RASAL2: variants seen among roughly 807,000 people sequenced by gnomAD.
RASAL2 encodes the protein ras GTPase-activating protein nGAP.
RASAL2 carries 58 observed loss-of-function variants against 128.9 expected under a neutral mutation model. That is an observed-to-expected ratio of 0.45 (90% CI 0.36 to 0.56). The LOEUF (loss-of-function observed/expected upper bound fraction) is 0.56. RASAL2 is among the 20% of genes least tolerant of loss of function. The pLI is 0.00. For missense variants in RASAL2, 1,360 were observed against 1,601.6 expected (o/e 0.85, Z 2.57); for synonymous variants, 561 against 580.8 (o/e 0.97, Z 0.49).
intron 1 of RASAL2, among the ~76,000 whole-genome samples, chr1:178,213,864 T>C (rs1009087225): frequency 6.6e-6 from 1 of 151,586 alleles, no homozygotes; most frequent in Non-Finnish European, 1.5e-5. Flanking sequence ...CACTGAACTT[T>C]TTACTATAGA....
chr1:178,437,407 A>G (rs1206278296), intron 5 of RASAL2, among the ~76,000 whole-genome samples: 2 of 152,094 alleles, frequency 1.3e-5, no homozygotes, highest in African/African-American at 4.8e-5. Context: ...CTATACCGGG[A>G]CATGTGGCAC....
chr1:178,339,429 A>G (rs1353218383), intron 3 of RASAL2, among the ~76,000 whole-genome samples: 2 of 152,224 alleles, frequency 1.3e-5, no homozygotes, highest in African/African-American at 4.8e-5. Flanking sequence ...CTGCAGCATG[A>G]GTGAGTTCTC....
intron 4 of RASAL2, among the ~76,000 whole-genome samples, chr1:178,419,850 C>T (rs987118758): frequency 1.3e-5 from 2 of 152,026 alleles, no homozygotes; most frequent in Non-Finnish European, 2.9e-5. Flanking sequence ...TTAATGATTT[C>T]ATAAATGATC....
chr1:178,440,673 A>G (rs565274575), intron 6 of RASAL2, among the ~76,000 whole-genome samples: 6 of 152,272 alleles, frequency 3.9e-5, no homozygotes, highest in East Asian at 3.9e-4. Flanking sequence ...TGCGGAACTC[A>G]GTTCATTAGG....
intron 1 of RASAL2, among the ~76,000 whole-genome samples, chr1:178,247,995 G>C (rs1459143558): frequency 6.6e-6 from 1 of 152,100 alleles, no homozygotes; most frequent in Admixed American, 6.6e-5. Flanking sequence ...CCAATTATGT[G>C]GTCAATTTTA....
chr1:178,395,800 T>TATATATATATATATATATATATATATA (rs1673186760), intron 4 of RASAL2, among the ~76,000 whole-genome samples: 1 of 148,082 alleles, frequency 6.8e-6, no homozygotes, highest in African/African-American at 2.5e-5. Context: ...TATTTATTTA[T>TATATATATATATATATATATATATATA]TCATATGTGT....
Position 178,467,380 on chromosome 1 carries a change from C to G in RASAL2, c.3637C>G (p.Gln1213Glu). The G allele has an allele frequency of 6.2e-7, 1 of 1,614,098 alleles. No individual in the cohort carries two copies. The highest frequency in any genetic ancestry group is 8.5e-7 in the Non-Finnish European group (1 of 1,179,988). ...ACTGAAGAAGGATCATGCTGAGATG[C>G]AAGCAGTTATTGATGCAAAGCAGAA... Reference protein sequence around the residue: ...EELKKDHAEMQAVIDAKQKII... With the variant: ...EELKKDHAEMEAVIDAKQKII... The change falls in exon 17 of 18, where the codon CAA becomes GAA. Residue 1213 changes from glutamine (Q) to glutamate (E), a missense_variant. Coordinates refer to ENST00000367649, the MANE Select transcript of RASAL2 (RefSeq NM_170692.4).
intron 4 of RASAL2, among the ~76,000 whole-genome samples, chr1:178,417,985 G>A (rs1375904632): frequency 6.6e-6 from 1 of 152,078 alleles, no homozygotes; most frequent in South Asian, 2.1e-4. Flanking sequence ...ACATTTATTA[G>A]CAAATGTGGT....
chr1:178,257,847 G>GAA lies in RASAL2; in HGVS notation c.203-25703_203-25702dup, dbSNP rs71108038. On this transcript the variant is annotated intron_variant, in intron 1 of 17. Transcript: ENST00000367649. The stretch of plus-strand genomic sequence containing the variant: ...CAGAGTGAGACCCTGTCTCAAAAAA[G>GAA]AAAAAAAAAAAAAAAGAATTGATAC... 7.7e-3 allele frequency among the ~76,000 whole-genome samples: 983 copies of GAA among 128,032 alleles called. 8 individuals carry two copies. Among genetic ancestry groups the GAA allele is most frequent in the African/African-American group, 0.026 (771 of 29,906 alleles). 84.0% of individuals were successfully genotyped at this position (128,032 alleles called of 152,430 possible).
chr1:178,145,214 T>A (rs1287866411), intron 1 of RASAL2, among the ~76,000 whole-genome samples: 2 of 149,610 alleles, frequency 1.3e-5, no homozygotes, highest in Non-Finnish European at 3.0e-5. Context: ...CATTGTTTAT[T>A]CAAAAAACAA....
At chr1:178,126,690 A>G (rs1230685970) in intron 1 of RASAL2, among the ~76,000 whole-genome samples, 2 of 152,218 alleles carry the variant, frequency 1.3e-5, no homozygotes, top group Non-Finnish European at 2.9e-5. Flanking sequence ...TCAGATTTCT[A>G]CTTGCATTAC....
At chr1:178,447,851 T>G (rs1677117858) in intron 9 of RASAL2, among the ~76,000 whole-genome samples, 1 of 151,998 alleles carries the variant, frequency 6.6e-6, no homozygotes, top group African/African-American at 2.4e-5. Flanking sequence ...GAACGAATAT[T>G]ACAGAGAATT....
chr1:178,347,634 TA>T (rs1670219849), intron 3 of RASAL2, among the ~76,000 whole-genome samples: 1 of 152,116 alleles, frequency 6.6e-6, no homozygotes, highest in Non-Finnish European at 1.5e-5. Context: ...TCAAAACGTC[TA>T]AAATGAGAAA....
rs563124335 is a variant in RASAL2 at position 178,457,909 on chromosome 1, C to G, written c.2617C>G (p.Arg873Gly). The change falls in exon 14 of 18, where the codon CGC (arginine) becomes GGC (glycine). Residue 873 changes from arginine to glycine, a missense_variant. Transcript: ENST00000367649. ...ATCTGTCATGCTTGATGTGCCTATA[C>G]GCTTGACCGGAAGCCAGCTTTCCAT... ...HASVMLDVPI[R>G]LTGSQLSITQ... 1 of 1,614,040 alleles carries G rather than the reference C, an allele frequency of 6.2e-7. No homozygotes were observed. The highest frequency in any genetic ancestry group is 8.5e-7 in the Non-Finnish European group (1 of 1,180,038).
At chr1:178,273,575 G>T (rs1312182501) in intron 1 of RASAL2, among the ~76,000 whole-genome samples, 3 of 152,108 alleles carry the variant, frequency 2.0e-5, no homozygotes, top group Non-Finnish European at 2.9e-5. Context: ...GATGGATTAC[G>T]TATAGGGGTT....
intron 1 of RASAL2, among the ~76,000 whole-genome samples, chr1:178,104,925 A>G (rs767321660): frequency 2.0e-5 from 3 of 152,192 alleles, no homozygotes; most frequent in Non-Finnish European, 4.4e-5. Flanking sequence ...AGACCCTCCA[A>G]CTGAAATAAC....
intron 2 of RASAL2, among the ~76,000 whole-genome samples, chr1:178,295,071 T>C (rs1384923829): frequency 1.3e-5 from 2 of 152,050 alleles, no homozygotes; most frequent in Non-Finnish European, 2.9e-5. Flanking sequence ...GTTGTGGAAA[T>C]TGAGGTTTAT....
intron 3 of RASAL2, among the ~76,000 whole-genome samples, chr1:178,325,161 A>G (rs902696703): frequency 6.6e-5 from 10 of 152,326 alleles, no homozygotes; most frequent in African/African-American, 2.4e-4. Flanking sequence ...TCTCCTTACA[A>G]CATTCCTATT....
chr1:178,329,178 A>G (rs1163089486), intron 3 of RASAL2, among the ~76,000 whole-genome samples: 6 of 152,222 alleles, frequency 3.9e-5, no homozygotes, highest in Non-Finnish European at 8.8e-5. Context: ...AATATACCGC[A>G]TGGTGATAAA....
Sources: gnomAD v4.1 joint callset for allele counts (sites outside exome capture counted in the v4.1 genomes callset) on GRCh38, gnomAD v4.1.1 for gene constraint, MANE v1.5 for transcripts, NCBI Gene and HGNC (gene_info 2026-07-23, HGNC 2026-07-21) for gene names.